Variants in LRRIQ4 observed in about 807,000 individuals in gnomAD.
The protein encoded by LRRIQ4 is leucine-rich repeat and IQ domain-containing protein 4.
Under a neutral mutation model 40.1 loss-of-function variants are expected in LRRIQ4, and 21 were observed. That is an observed-to-expected ratio of 0.52 (90% CI 0.37 to 0.75). LRRIQ4 has a LOEUF of 0.75. Among genes scored for constraint, LRRIQ4 ranks in the 30% least tolerant of loss-of-function variants. The pLI, the probability that LRRIQ4 is intolerant of heterozygous loss-of-function variation, is 0.00. For synonymous variants in LRRIQ4, 277 were observed against 277.1 expected, an observed-to-expected ratio of 1.00 and a Z score of 0.00; for missense variants, 655 against 660.0, an observed-to-expected ratio of 0.99 and a Z score of 0.08.
rs1779935902 is a variant in LRRIQ4, at chr3:169,822,668, C to G, written c.747C>G (p.Ile249Met). The change falls in exon 2 of 6, where the codon ATC becomes ATG. Residue 249 changes from isoleucine (I) to methionine (M), a missense_variant. Ile to Met is a conservative substitution (Grantham distance 10, BLOSUM62 1). Transcript: ENST00000340806. Reference protein sequence around the residue: ...LDLSHNLLHSIPKSFAELRKM... With the variant: ...LDLSHNLLHSMPKSFAELRKM... Reference sequence around the variant, plus strand: ...TATCCCACAACCTCCTCCACTCCATCCCGAAGAGCTTCGCCGAGCTCAGGA... The same window carrying G: ...TATCCCACAACCTCCTCCACTCCATGCCGAAGAGCTTCGCCGAGCTCAGGA... 1.2e-6 allele frequency: 2 copies of G among 1,613,962 alleles called. No homozygotes were observed. The highest frequency in any genetic ancestry group is 8.5e-7 in the Non-Finnish European group (1 of 1,179,904).
intron 4 of LRRIQ4, among the ~76,000 whole-genome samples, chr3:169,831,261 CTTTTTTTTTTT>C (rs869088396): frequency 0.014 from 470 of 33,456 alleles, 18 homozygotes; most frequent in East Asian, 0.13. Flanking sequence ...TATGGCTATT[CTTTTTTTTTTT>C]TTTTTTTTTT....
chr3:169,827,981 T>C (rs1780079343), intron 2 of LRRIQ4, among the ~76,000 whole-genome samples: 2 of 152,166 alleles, frequency 1.3e-5, no homozygotes, highest in Admixed American at 1.3e-4. Flanking sequence ...ATAATGGAGT[T>C]CACTGAACAC....
chr3:169,822,763 C>T lies in LRRIQ4; in HGVS notation c.842C>T (p.Ser281Leu), dbSNP rs545492711. 3.1e-6 allele frequency: 5 copies of T among 1,613,556 alleles called. No individual in the cohort carries two copies. The highest frequency in any genetic ancestry group is 2.2e-5 in the East Asian group (1 of 44,886). Residue 281 changes from serine (S) to leucine (L), a missense_variant, in exon 2 of 6, where the codon TCG (serine) becomes TTG (leucine). Ser to Leu is a moderately radical substitution (Grantham distance 145). Transcript: ENST00000340806. ...CCACGCCTCATTTGCAGGTGGACCT[C>T]GCTGCACCTGCTCTACCTGGGAAAC... is the stretch of plus-strand genomic sequence containing the variant. Reference protein sequence around the residue: ...KVPRLICRWTSLHLLYLGNTG... With the variant: ...KVPRLICRWTLLHLLYLGNTG...
chr3:169,817,965 G>GAA (rs1032614448), intron 1 of LRRIQ4, among the ~76,000 whole-genome samples: 8 of 152,144 alleles, frequency 5.3e-5, no homozygotes, highest in Admixed American at 5.2e-4. Flanking sequence ...TTGTGACCTA[G>GAA]ACTGCCTTTC....
chr3:169,833,001 C>T lies in LRRIQ4; in HGVS notation c.1348C>T (p.Arg450Trp), dbSNP rs778830136. 2.7e-5 allele frequency: 43 copies of T among 1,610,028 alleles called. 1 individual carries two copies. The highest frequency in any genetic ancestry group is 2.7e-4 in the South Asian group (24 of 89,928). ...AATCTTTTCAGCTTTGAAAGAATTACGGCTGGAGGACAACTTGCTCACCCA... is the reference window on the plus strand; with the variant it reads ...AATCTTTTCAGCTTTGAAAGAATTATGGCTGGAGGACAACTTGCTCACCCA... ...ICQAQALKEL[R>W]LEDNLLTHLP... is the part of the protein sequence containing the mutation. The change falls in exon 5 of 6, where the codon CGG (arginine) becomes TGG (tryptophan). Residue 450 changes from arginine (R) to tryptophan (W), a missense_variant. Transcript: ENST00000340806.
chr3:169,824,416 G>T (rs1779993918), intron 2 of LRRIQ4, among the ~76,000 whole-genome samples: 1 of 152,008 alleles, frequency 6.6e-6, no homozygotes, highest in African/African-American at 2.4e-5. Flanking sequence ...ATTTCATTTT[G>T]TTTATTAAAA....
At chr3:169,830,693 T>C in intron 4 of LRRIQ4, 63 bp downstream of exon 4, 2 of 1,589,928 alleles carry the variant, frequency 1.3e-6, no homozygotes, top group Non-Finnish European at 1.7e-6. Context: ...CTATGGCAAA[T>C]GGCTTCCTTG....
intron 5 of LRRIQ4, among the ~76,000 whole-genome samples, chr3:169,833,388 T>C (rs568395944): frequency 1.3e-5 from 2 of 152,230 alleles, no homozygotes; most frequent in Non-Finnish European, 2.9e-5. Flanking sequence ...ATGTCCCTTA[T>C]TTCTTTGTCC....
At chr3:169,820,711 G>T (rs1418747666) in intron 1 of LRRIQ4, among the ~76,000 whole-genome samples, 1 of 152,034 alleles carries the variant, frequency 6.6e-6, no homozygotes, top group East Asian at 1.9e-4. Context: ...ACTTTAATTT[G>T]TTTCTGGGTT....
At chr3:169,831,312 C>T (rs1451794850) in intron 4 of LRRIQ4, among the ~76,000 whole-genome samples, 1 of 114,664 alleles carries the variant, frequency 8.7e-6, no homozygotes, top group Non-Finnish European at 1.6e-5. Context: ...CTCGCTCTGT[C>T]GCTCAGGCTG....
intron 5 of LRRIQ4, among the ~76,000 whole-genome samples, chr3:169,834,082 C>A (rs34237331): frequency 0.25 from 38,194 of 152,130 alleles, 5,511 homozygotes; most frequent in East Asian, 0.62. Flanking sequence ...ATATTTCAGG[C>A]CTGGCGCGGT....
At chr3:169,818,481 G>A (rs1779809763) in intron 1 of LRRIQ4, among the ~76,000 whole-genome samples, 2 of 152,104 alleles carry the variant, frequency 1.3e-5, no homozygotes, top group South Asian at 4.1e-4. Context: ...TTAACAAGAT[G>A]TATTTGTACA....
chr3:169,833,098 C>A lies in LRRIQ4; in HGVS notation c.1445C>A (p.Pro482His). 6.2e-7 allele frequency: 1 copy of A among 1,613,860 alleles called. No homozygotes were observed. Among genetic ancestry groups the A allele is most frequent in the Non-Finnish European group, 8.5e-7 (1 of 1,179,856 alleles). Residue 482 changes from proline to histidine, a missense_variant, in exon 5 of 6, where the codon CCC becomes CAC. Pro to His is a moderately conservative substitution (Grantham distance 77). Coordinates refer to ENST00000340806, the MANE Select transcript of LRRIQ4 (RefSeq NM_001080460.3). ...LTLMDNPMEE[P>H]PKEVCAEGNE... ...CTGATGGACAATCCCATGGAAGAAC[C>A]CCCAAAAGAAGTGTGTGCTGAAGGC...
chr3:169,812,873 G>T lies in LRRIQ4; in HGVS notation c.-205G>T, dbSNP rs1027815478. ...TGCACCGGCCTGCCGGGCCAGCGAA[G>T]AAGCAGAGTAGCATCAGCACATGAT... On this transcript the variant is annotated 5_prime_UTR_variant, in exon 1 of 6. Transcript: ENST00000340806. This position sits in a 1 kb window ranked among gnomAD's most constrained non-coding sequence, Gnocchi z 4.3. 54 of 328,772 alleles carry T rather than the reference G, an allele frequency of 1.6e-4. No homozygotes were observed. In the Middle Eastern group the frequency reaches 4.1e-3, roughly 25 times the overall value. 20.4% of individuals were successfully genotyped at this position (328,772 alleles called of 1,614,324 possible).
At chr3:169,823,637 C>T (rs1042861272) in intron 2 of LRRIQ4, among the ~76,000 whole-genome samples, 3 of 152,112 alleles carry the variant, frequency 2.0e-5, no homozygotes, top group African/African-American at 7.2e-5. Flanking sequence ...TGAGCCACCG[C>T]GCACGGCCCA....
intron 1 of LRRIQ4, among the ~76,000 whole-genome samples, chr3:169,814,465 A>G (rs1039949933): frequency 2.7e-5 from 4 of 149,834 alleles, no homozygotes; most frequent in African/African-American, 1.0e-4. Flanking sequence ...GTCTGTGCCT[A>G]CTAGGGTCTT....
intron 1 of LRRIQ4, among the ~76,000 whole-genome samples, chr3:169,815,688 G>T (rs184440041): frequency 2.0e-5 from 3 of 152,262 alleles, no homozygotes; most frequent in Non-Finnish European, 4.4e-5. Context: ...GAATAATAGT[G>T]GTTAAAGTGG....
intron 1 of LRRIQ4, among the ~76,000 whole-genome samples, chr3:169,821,471 A>C: frequency 7.3e-6 from 1 of 137,360 alleles, no homozygotes; most frequent in South Asian, 2.3e-4. Flanking sequence ...GTCTCTACTA[A>C]AATTACAAAA....
intron 2 of LRRIQ4, among the ~76,000 whole-genome samples, chr3:169,825,002 A>T (rs944361221): frequency 2.2e-4 from 31 of 141,324 alleles, no homozygotes; most frequent in Middle Eastern, 3.7e-3. Context: ...ATTTATTTTT[A>T]AAAATCTTTT....
Sources: gnomAD v4.1 joint callset for allele counts (sites outside exome capture counted in the v4.1 genomes callset) on GRCh38, gnomAD v4.1.1 for gene constraint, Gnocchi (gnomAD v3.1) non-coding constraint, MANE v1.5 for transcripts, NCBI Gene and HGNC (gene_info 2026-07-23, HGNC 2026-07-21) for gene names.